Variants in ZCWPW2 observed in about 807,000 individuals in gnomAD.
ZCWPW2 encodes zinc finger CW-type and PWWP domain containing 2, also known as zinc finger CW-type PWWP domain protein 2.
ZCWPW2 carries 45 observed loss-of-function variants against 46.6 expected under a neutral mutation model. That is an observed-to-expected ratio of 0.96 (90% CI 0.76 to 1.24). The LOEUF (loss-of-function observed/expected upper bound fraction) is 1.24, where lower values mean the gene tolerates loss of function less well. ZCWPW2 is among the 50% of genes most tolerant of loss of function. ZCWPW2 has a pLI of 0.00. For missense variants in ZCWPW2, 429 were observed against 403.9 expected (o/e 1.06, Z -0.53); for synonymous variants, 152 against 137.1 (o/e 1.11, Z -0.76).
intron 1 of ZCWPW2, among the ~76,000 whole-genome samples, chr3:28,358,357 A>T (rs1008603024): frequency 5.9e-5 from 9 of 152,144 alleles, no homozygotes; most frequent in African/African-American, 2.2e-4. Flanking sequence ...CTGAAATTGG[A>T]TATCTTTACA....
intron 4 of ZCWPW2, among the ~76,000 whole-genome samples, chr3:28,440,468 A>G (rs1697705902): frequency 6.6e-6 from 1 of 152,190 alleles, no homozygotes; most frequent in Non-Finnish European, 1.5e-5. Context: ...TGGACCTGTG[A>G]ATCCTGGCTG....
intron 1 of ZCWPW2, among the ~76,000 whole-genome samples, chr3:28,352,538 GT>G (rs1559469640): frequency 6.6e-6 from 1 of 152,156 alleles, no homozygotes; most frequent in African/African-American, 2.4e-5. Flanking sequence ...TGATGAATGA[GT>G]AGTTAACTCT....
intron 3 of ZCWPW2, among the ~76,000 whole-genome samples, chr3:28,432,892 A>T (rs1394320235): frequency 6.6e-6 from 1 of 152,210 alleles, no homozygotes; most frequent in African/African-American, 2.4e-5. Flanking sequence ...CTGAAAGCAC[A>T]CCATCATTCT....
intron 6 of ZCWPW2, among the ~76,000 whole-genome samples, chr3:28,505,029 C>T (rs1700240251): frequency 6.6e-6 from 1 of 152,162 alleles, no homozygotes; most frequent in Admixed American, 6.6e-5. Context: ...AGCACCAAGT[C>T]ATAGAGCTCC....
At position 28,413,076 on chromosome 3, in the gene ZCWPW2, A is replaced by C. The variant is rs778350837; in HGVS notation, c.8A>C (p.Lys3Thr). 18 of 1,607,398 alleles carry C rather than the reference A, an allele frequency of 1.1e-5. No individual in the cohort carries two copies. In the Admixed American group the frequency reaches 2.0e-4, roughly 18 times the overall value. ...TCCAGATTAAATGCCTTAATGGATA[A>C]AGAAAAATTGGATGTTAAGATTGAA... MD[K>T]EKLDVKIEYC... The change falls in exon 3 of 10, where the codon AAA becomes ACA. Residue 3 changes from lysine (K) to threonine (T), a missense_variant. Physicochemically the swap from Lys to Thr is moderately conservative, Grantham distance 78. Coordinates refer to ENST00000383768, the MANE Select transcript of ZCWPW2 (RefSeq NM_001040432.4).
At chr3:28,358,343 G>A (rs993447827) in intron 1 of ZCWPW2, among the ~76,000 whole-genome samples, 5 of 152,006 alleles carry the variant, frequency 3.3e-5, no homozygotes, top group African/African-American at 9.7e-5. Context: ...TGCCAACGTA[G>A]GCACTGAAAT....
At chr3:28,523,632 T>C (rs560360393) in intron 9 of ZCWPW2, among the ~76,000 whole-genome samples, 1 of 152,272 alleles carries the variant, frequency 6.6e-6, no homozygotes, top group South Asian at 2.1e-4. Context: ...TCATTTCACC[T>C]GTGAGTTTTC....
intron 5 of ZCWPW2, among the ~76,000 whole-genome samples, chr3:28,487,088 T>C (rs1344352986): frequency 2.0e-5 from 3 of 152,084 alleles, no homozygotes; most frequent in African/African-American, 4.8e-5. Context: ...GATATGTAGA[T>C]TTTTGGCATT....
At chr3:28,437,165 T>G (rs1291765505) in intron 4 of ZCWPW2, among the ~76,000 whole-genome samples, 1 of 152,106 alleles carries the variant, frequency 6.6e-6, no homozygotes, top group Non-Finnish European at 1.5e-5. Flanking sequence ...TTTTAAAAAT[T>G]TTTTTCTAGA....
At chr3:28,395,371 A>G (rs1350958758) in intron 2 of ZCWPW2, among the ~76,000 whole-genome samples, 1 of 152,160 alleles carries the variant, frequency 6.6e-6, no homozygotes, top group African/African-American at 2.4e-5. Flanking sequence ...AGTTAAAAAT[A>G]AAACTACCAT....
In ZCWPW2 at chr3:28,401,122, T is replaced by C. The variant is rs1695910354; in HGVS notation, c.-14+10505T>C. 2.6e-5 allele frequency among the ~76,000 whole-genome samples: 4 copies of C among 151,248 alleles called. 1 individual carries two copies. The South Asian group carries it at 8.4e-4, about 32-fold the overall frequency. ...TGAACCCGGGAGGCGGAGCTTGCAG[T>C]GAGCTGAGATTGCACCCCTGCACTC... On this transcript the variant is annotated intron_variant, in intron 2 of 9. Transcript: ENST00000383768.
At chr3:28,446,175 T>A (rs1286959606) in intron 4 of ZCWPW2, among the ~76,000 whole-genome samples, 1 of 152,024 alleles carries the variant, frequency 6.6e-6, no homozygotes. Context: ...ACCAACTAGA[T>A]TTAACAGGCA....
intron 4 of ZCWPW2, among the ~76,000 whole-genome samples, chr3:28,448,286 T>C (rs1324586559): frequency 6.6e-6 from 1 of 152,062 alleles, no homozygotes; most frequent in Admixed American, 6.6e-5. Flanking sequence ...CAGTTGCATT[T>C]CCATACACTA....
At chr3:28,359,241 T>A (rs1704848518) in intron 1 of ZCWPW2, among the ~76,000 whole-genome samples, 1 of 152,148 alleles carries the variant, frequency 6.6e-6, no homozygotes, top group Admixed American at 6.5e-5. Flanking sequence ...GATTTAAAAT[T>A]ATTTGTAGCA....
intron 4 of ZCWPW2, among the ~76,000 whole-genome samples, chr3:28,469,611 AAGAAG>A (rs1407563844): frequency 2.6e-5 from 4 of 152,102 alleles, no homozygotes; most frequent in Non-Finnish European, 1.5e-5. Flanking sequence ...CAAAAACTGT[AAGAAG>A]AGACAAAGAA....
intron 2 of ZCWPW2, among the ~76,000 whole-genome samples, chr3:28,400,917 C>T (rs563602180): frequency 3.9e-5 from 6 of 152,224 alleles, no homozygotes; most frequent in African/African-American, 7.2e-5. Context: ...TGGTGGCTCA[C>T]GCCTGTAATC....
Position 28,524,540 on chromosome 3 carries a change from G to A in ZCWPW2, c.923G>A (p.Ser308Asn), listed in dbSNP as rs1320173229. The A allele has an allele frequency of 4.4e-6, 7 of 1,601,908 alleles. No homozygotes were observed. Among genetic ancestry groups the A allele is most frequent in the Non-Finnish European group, 6.0e-6 (7 of 1,175,546 alleles). ...GTTGTTTTGCAGTTATCTAAATGCA[G>A]CCCAGAAGCTCCTGCAGGCAGTCTG... ...INMGEKLSKC[S>N]PEAPAGSLFE... The change falls in exon 10 of 10, where the codon AGC becomes AAC. Residue 308 changes from serine (S) to asparagine (N), a missense_variant. By Grantham distance (46) the Ser-to-Asn change is conservative. Coordinates refer to ENST00000383768, the MANE Select transcript of ZCWPW2 (RefSeq NM_001040432.4).
At chr3:28,401,867 C>T (rs1369724309) in intron 2 of ZCWPW2, among the ~76,000 whole-genome samples, 1 of 151,860 alleles carries the variant, frequency 6.6e-6, no homozygotes, top group Non-Finnish European at 1.5e-5. Flanking sequence ...AAAAATTCTT[C>T]CACATAAACG....
chr3:28,483,172 A>G (rs1175306170), intron 5 of ZCWPW2, among the ~76,000 whole-genome samples: 2 of 152,132 alleles, frequency 1.3e-5, no homozygotes, highest in Non-Finnish European at 2.9e-5. Flanking sequence ...TGAAAGGTGT[A>G]AGATCAGTGT....
Sources: gnomAD v4.1 joint callset for allele counts (sites outside exome capture counted in the v4.1 genomes callset) on GRCh38, gnomAD v4.1.1 for gene constraint, MANE v1.5 for transcripts, NCBI Gene and HGNC (gene_info 2026-07-23, HGNC 2026-07-21) for gene names.